The following APBA2 variants were observed in gnomAD, a reference collection of about 807,000 sequenced individuals.
The protein encoded by APBA2 is amyloid beta precursor protein binding family A member 2, also known as amyloid-beta A4 precursor protein-binding family A member 2.
Under a neutral mutation model 75.0 loss-of-function variants are expected in APBA2, and 30 were observed. That is an observed-to-expected ratio of 0.40 (90% CI 0.30 to 0.54). The LOEUF (loss-of-function observed/expected upper bound fraction) is 0.54. Among genes scored for constraint, APBA2 ranks in the 20% least tolerant of loss-of-function variants. The pLI, the probability that APBA2 is intolerant of heterozygous loss-of-function variation, is 0.49. For missense variants in APBA2, 801 were observed against 1,016.1 expected (o/e 0.79, Z 2.88); for synonymous variants, 444 against 409.6 (o/e 1.08, Z -1.01).
chr15:28,906,523 G>A (rs1346159410), intron 1 of APBA2, among the ~76,000 whole-genome samples: 1 of 152,142 alleles, frequency 6.6e-6, no homozygotes, highest in Non-Finnish European at 1.5e-5. Flanking sequence ...GGACTTGCTG[G>A]GCTGAATGGT....
At chr15:28,976,755 A>G (rs1354864727) in intron 2 of APBA2, among the ~76,000 whole-genome samples, 1 of 152,210 alleles carries the variant, frequency 6.6e-6, no homozygotes, top group Non-Finnish European at 1.5e-5. Flanking sequence ...TCACCTGTTT[A>G]TAAATGAGTT....
At chr15:29,084,004 A>G (rs1235837678) in intron 6 of APBA2, among the ~76,000 whole-genome samples, 2 of 152,090 alleles carry the variant, frequency 1.3e-5, no homozygotes, top group Non-Finnish European at 2.9e-5. Flanking sequence ...TTCAACACAT[A>G]TCTTGTTTGT....
chr15:29,037,866 T>G (rs912155305), intron 3 of APBA2, among the ~76,000 whole-genome samples: 1 of 152,172 alleles, frequency 6.6e-6, no homozygotes, highest in East Asian at 1.9e-4. Context: ...TAACCTCTTA[T>G]GAGGAGCCCT....
At chr15:28,930,347 C>T (rs1014921600) in intron 2 of APBA2, among the ~76,000 whole-genome samples, 11 of 152,172 alleles carry the variant, frequency 7.2e-5, no homozygotes, top group African/African-American at 2.7e-4. Flanking sequence ...CCTCGTGGTC[C>T]CTCTGAGCCT....
chr15:28,902,082 G>T (rs1023090970), intron 1 of APBA2, among the ~76,000 whole-genome samples: 4 of 151,980 alleles, frequency 2.6e-5, no homozygotes, highest in African/African-American at 9.7e-5. Flanking sequence ...GAAGGTAAAG[G>T]GGGGTGCATT....
intron 3 of APBA2, among the ~76,000 whole-genome samples, chr15:29,022,169 G>T (rs2039986399): frequency 6.6e-6 from 1 of 152,186 alleles, no homozygotes; most frequent in South Asian, 2.1e-4. Flanking sequence ...CAGTAGGATT[G>T]CTGGATCATT....
chr15:28,954,853 T>C (rs2036083123), intron 2 of APBA2, among the ~76,000 whole-genome samples: 1 of 152,178 alleles, frequency 6.6e-6, no homozygotes, highest in African/African-American at 2.4e-5. Flanking sequence ...CCTGGGAACC[T>C]TTCTAACACC....
At chr15:29,052,454 C>CAAAAAAAAAAAAAAAAAAAAAAAA (rs61521872) in intron 3 of APBA2, among the ~76,000 whole-genome samples, 1 of 103,162 alleles carries the variant, frequency 9.7e-6, no homozygotes, top group Non-Finnish European at 1.8e-5. Context: ...GACTCCATCT[C>CAAAAAAAAAAAAAAAAAAAAAAAA]AAAAAAAAAA....
chr15:29,108,163 T>C, intron 12 of APBA2, 107 bp from the exon 13 acceptor site: 1 of 1,526,540 alleles, frequency 6.6e-7, no homozygotes, highest in Non-Finnish European at 9.0e-7. Context: ...TCTCCCATTG[T>C]GTGTTCTCAC....
intron 3 of APBA2, among the ~76,000 whole-genome samples, chr15:29,045,397 T>A (rs1036697811): frequency 1.3e-5 from 2 of 151,922 alleles, no homozygotes; most frequent in East Asian, 1.9e-4. Context: ...GCCTGGGGTC[T>A]CTTTCATAAG....
intron 3 of APBA2, among the ~76,000 whole-genome samples, chr15:29,030,406 G>C (rs2040429382): frequency 6.6e-6 from 1 of 151,984 alleles, no homozygotes; most frequent in Non-Finnish European, 1.5e-5. Context: ...AGCTTGCAGT[G>C]AGCCGAGATG....
intron 3 of APBA2, among the ~76,000 whole-genome samples, chr15:29,043,627 T>C (rs556853905): frequency 1.3e-4 from 20 of 152,228 alleles, no homozygotes; most frequent in South Asian, 4.1e-4. Context: ...ACAATACATA[T>C]TACATGCTAA....
intron 3 of APBA2, among the ~76,000 whole-genome samples, chr15:29,042,595 T>A (rs879722129): frequency 6.6e-6 from 1 of 152,100 alleles, no homozygotes; most frequent in African/African-American, 2.4e-5. Flanking sequence ...TATTCTGAGG[T>A]ACAGGGGATG....
intron 7 of APBA2, among the ~76,000 whole-genome samples, chr15:29,093,607 A>G (rs1472955817): frequency 6.6e-6 from 1 of 152,278 alleles, no homozygotes; most frequent in Admixed American, 6.5e-5. Context: ...CAGGACCTCA[A>G]GAAAAACTTT....
intron 3 of APBA2, among the ~76,000 whole-genome samples, chr15:29,035,884 A>G (rs1000071571): frequency 1.3e-5 from 2 of 152,192 alleles, no homozygotes; most frequent in Admixed American, 1.3e-4. Context: ...AGAGGACAGG[A>G]GCAGACAAAG....
chr15:29,001,013 A>G (rs1249652087), intron 3 of APBA2, among the ~76,000 whole-genome samples: 5 of 151,644 alleles, frequency 3.3e-5, no homozygotes, highest in Non-Finnish European at 5.9e-5. Context: ...CTTTATCTTC[A>G]CAGACGAGGC....
chr15:29,052,092 A>G (rs1414108895), intron 3 of APBA2, among the ~76,000 whole-genome samples: 9 of 152,292 alleles, frequency 5.9e-5, no homozygotes, highest in African/African-American at 1.7e-4. Flanking sequence ...CATGCAAGCA[A>G]AAAGGCATGT....
intron 1 of APBA2, among the ~76,000 whole-genome samples, chr15:28,892,346 A>G (rs1383103312): frequency 3.9e-5 from 6 of 152,188 alleles, no homozygotes; most frequent in Non-Finnish European, 7.3e-5. Context: ...AGGTGCTGGG[A>G]TTACAGGCGT....
At chr15:29,058,824 G>T (rs1188826956) in intron 4 of APBA2, among the ~76,000 whole-genome samples, 1 of 152,212 alleles carries the variant, frequency 6.6e-6, no homozygotes, top group Non-Finnish European at 1.5e-5. Flanking sequence ...GGAAAATTTG[G>T]AAAATACAGG....
Sources: allele counts gnomAD v4.1 joint callset (sites outside exome capture counted in the v4.1 genomes callset), GRCh38; gene constraint gnomAD v4.1.1; transcripts MANE v1.5; gene names NCBI Gene and HGNC (gene_info 2026-07-23, HGNC 2026-07-21).